Variants in ARHGAP10 observed in about 807,000 individuals in gnomAD.
ARHGAP10 encodes Rho GTPase activating protein 10, also known as rho GTPase-activating protein 10.
A neutral mutation model predicts 108.6 loss-of-function variants in ARHGAP10; 87 were observed. The ratio of observed to expected loss-of-function variants is 0.80; its 90% CI spans 0.67 to 0.96. ARHGAP10 has a LOEUF of 0.96. ARHGAP10 is among the 40% of genes least tolerant of loss of function. The probability of loss-of-function intolerance (pLI) is 0.00; values close to 1 mark genes in which losing one functional copy is unlikely to be tolerated. For missense variants in ARHGAP10, 939 were observed against 954.5 expected, an observed-to-expected ratio of 0.98 and a Z score of 0.21; for synonymous variants, 347 against 341.1, an observed-to-expected ratio of 1.02 and a Z score of -0.19.
intron 19 of ARHGAP10, among the ~76,000 whole-genome samples, chr4:148,030,439 G>A (rs1319546875): frequency 6.6e-6 from 1 of 152,196 alleles, no homozygotes; most frequent in Admixed American, 6.5e-5. Context: ...AGGCTGTCAA[G>A]AGTGACTGAT....
intron 1 of ARHGAP10, among the ~76,000 whole-genome samples, chr4:147,788,130 A>G (rs529455188): frequency 1.2e-4 from 2 of 16,040 alleles, no homozygotes; most frequent in Non-Finnish European, 5.5e-4. Context: ...CTTTTAAAAA[A>G]TTTGATTTTT....
chr4:147,972,309 C>G (rs1739442302), intron 18 of ARHGAP10, among the ~76,000 whole-genome samples: 1 of 152,008 alleles, frequency 6.6e-6, no homozygotes, highest in Admixed American at 6.6e-5. Context: ...CTTTGTGTAT[C>G]CATACACTTA....
Position 147,784,791 on chromosome 4 carries a change from A to G in ARHGAP10, c.155-37936A>G, listed in dbSNP as rs1475777441. 5.3e-4 allele frequency among the ~76,000 whole-genome samples: 18 copies of G among 34,016 alleles called. 4 individuals carry two copies. The highest frequency in any genetic ancestry group is 2.8e-3 in the Admixed American group (5 of 1,798). 22.3% of individuals were successfully genotyped at this position (34,016 alleles called of 152,430 possible). A position where few individuals can be genotyped will look rare whatever the true frequency, so the allele number is the denominator to read the frequency against. On this transcript the variant is annotated intron_variant, in intron 1 of 22. Coordinates refer to ENST00000336498, the MANE Select transcript of ARHGAP10 (RefSeq NM_024605.4). ...TTATAAATATAATATATTATAAAAT[A>G]TATATTATAAATATAATATATTATA...
At chr4:147,740,336 C>A (rs1728609268) in intron 1 of ARHGAP10, among the ~76,000 whole-genome samples, 1 of 152,140 alleles carries the variant, frequency 6.6e-6, no homozygotes, top group Non-Finnish European at 1.5e-5. Context: ...CACAATTTGT[C>A]ATTGATGGAG....
chr4:147,844,945 C>A (rs1021987178), intron 3 of ARHGAP10, among the ~76,000 whole-genome samples: 1 of 152,166 alleles, frequency 6.6e-6, no homozygotes. Flanking sequence ...CACTGTACCC[C>A]CAATAAAATG....
At chr4:147,810,886 T>C in intron 1 of ARHGAP10, among the ~76,000 whole-genome samples, 1 of 152,068 alleles carries the variant, frequency 6.6e-6, no homozygotes, top group East Asian at 1.9e-4. Context: ...GCATCTACTC[T>C]GTGCCTCATT....
intron 1 of ARHGAP10, among the ~76,000 whole-genome samples, chr4:147,757,338 C>T (rs559017260): frequency 1.7e-4 from 26 of 152,118 alleles, no homozygotes; most frequent in African/African-American, 4.8e-4. Flanking sequence ...GGACTACAGG[C>T]GTATGCCGCC....
At chr4:147,955,492 G>A (rs775601960) in intron 16 of ARHGAP10, 118 bp downstream of exon 16, 20 of 860,022 alleles carry the variant, frequency 2.3e-5, no homozygotes, top group South Asian at 1.6e-4. Flanking sequence ...AATAGAAATC[G>A]CTTTAAATGA....
chr4:147,823,459 TAAG>T (rs1442477875), intron 3 of ARHGAP10, among the ~76,000 whole-genome samples: 5 of 152,000 alleles, frequency 3.3e-5, no homozygotes, highest in Non-Finnish European at 5.9e-5. Flanking sequence ...ATAACAAGAA[TAAG>T]AAGAACTACC....
chr4:147,742,994 G>A (rs905456332), intron 1 of ARHGAP10, among the ~76,000 whole-genome samples: 7 of 150,080 alleles, frequency 4.7e-5, no homozygotes, highest in African/African-American at 9.8e-5. Context: ...TTTGAGAATC[G>A]GGCAGATTCT....
chr4:147,806,228 A>G (rs1579067608), intron 1 of ARHGAP10, among the ~76,000 whole-genome samples: 1 of 151,930 alleles, frequency 6.6e-6, no homozygotes, highest in African/African-American at 2.4e-5. Context: ...GATCAAATTT[A>G]CTCTAAATTT....
intron 3 of ARHGAP10, among the ~76,000 whole-genome samples, chr4:147,824,321 C>CAA (rs57613352): frequency 0.014 from 1,950 of 136,424 alleles, 36 homozygotes; most frequent in African/African-American, 0.046. Context: ...GACTCTGTCT[C>CAA]AAAAAAAAAA....
chr4:147,946,789 C>A, intron 15 of ARHGAP10, 85 bp downstream of exon 15: 2 of 1,053,854 alleles, frequency 1.9e-6, no homozygotes, highest in Non-Finnish European at 2.6e-6. Flanking sequence ...ACATAAATAT[C>A]AATAGTTAAA....
intron 1 of ARHGAP10, among the ~76,000 whole-genome samples, chr4:147,781,681 C>CTTTTTTTTTTTTTTTTTTTTTTTT (rs56781517): frequency 1.5e-5 from 2 of 130,584 alleles, no homozygotes; most frequent in African/African-American, 2.9e-5. Context: ...CTTTTCTTTT[C>CTTTTTTTTTTTTTTTTTTTTTTTT]TTTTTTTTTT....
chr4:147,888,828 A>G (rs1271133338), intron 10 of ARHGAP10, among the ~76,000 whole-genome samples: 1 of 152,214 alleles, frequency 6.6e-6, no homozygotes, highest in African/African-American at 2.4e-5. Context: ...AGGTGAATGT[A>G]CTTTGAGATC....
At chr4:148,024,382 A>T (rs1028455890) in intron 19 of ARHGAP10, among the ~76,000 whole-genome samples, 1 of 152,184 alleles carries the variant, frequency 6.6e-6, no homozygotes, top group African/African-American at 2.4e-5. Flanking sequence ...AGAGTGAGGA[A>T]GGGGATGAGG....
intron 1 of ARHGAP10, among the ~76,000 whole-genome samples, chr4:147,751,904 T>A (rs1729167609): frequency 6.7e-6 from 1 of 150,062 alleles, no homozygotes; most frequent in Non-Finnish European, 1.5e-5. Context: ...TTTTTTTTTT[T>A]AAGATGGAGT....
chr4:147,751,205 A>G (rs1007996936), intron 1 of ARHGAP10, among the ~76,000 whole-genome samples: 1 of 151,846 alleles, frequency 6.6e-6, no homozygotes, highest in Non-Finnish European at 1.5e-5. Flanking sequence ...AAAACAAACA[A>G]TGAGTAGATC....
chr4:147,803,628 C>G (rs1385009677), intron 1 of ARHGAP10, among the ~76,000 whole-genome samples: 1 of 152,354 alleles, frequency 6.6e-6, no homozygotes, highest in East Asian at 1.9e-4. Flanking sequence ...ATTCTTCTCT[C>G]TACCTCCATG....
Sources: allele counts gnomAD v4.1 joint callset (sites outside exome capture counted in the v4.1 genomes callset), GRCh38; gene constraint gnomAD v4.1.1; transcripts MANE v1.5; gene names NCBI Gene and HGNC (gene_info 2026-07-23, HGNC 2026-07-21).